The following CNTNAP2 variants were observed in gnomAD, a reference collection of about 807,000 sequenced individuals.
The protein encoded by CNTNAP2 is contactin-associated protein-like 2.
Under a neutral mutation model 155.2 loss-of-function variants are expected in CNTNAP2, and 98 were observed. That is an observed-to-expected ratio of 0.63 (90% confidence interval 0.54 to 0.75). The LOEUF is 0.75. Ranked by LOEUF, CNTNAP2 falls within the 30% of genes least tolerant of loss-of-function variation. The probability of loss-of-function intolerance (pLI) is 0.00; values close to 1 mark genes in which losing one functional copy is unlikely to be tolerated. For synonymous variants in CNTNAP2, 651 were observed against 631.2 expected, an observed-to-expected ratio of 1.03 and a Z score of -0.47; for missense variants, 1,727 against 1,688.1, an observed-to-expected ratio of 1.02 and a Z score of -0.40.
intron 1 of CNTNAP2, among the ~76,000 whole-genome samples, chr7:146,642,875 G>A (rs188938757): frequency 0.058 from 8,809 of 151,594 alleles, 390 homozygotes; most frequent in African/African-American, 0.1. Context: ...ATGGTATCTC[G>A]TTGTGGTTTT....
chr7:147,577,237 A>G (rs1004098135), intron 12 of CNTNAP2, among the ~76,000 whole-genome samples: 5 of 152,016 alleles, frequency 3.3e-5, no homozygotes, highest in Non-Finnish European at 7.4e-5. Flanking sequence ...TACTAACTAC[A>G]ATCCCAGGCC....
At chr7:147,170,371 A>G (rs965492331) in intron 8 of CNTNAP2, among the ~76,000 whole-genome samples, 8 of 152,022 alleles carry the variant, frequency 5.3e-5, no homozygotes, top group Non-Finnish European at 1.2e-4. Flanking sequence ...CACCAGTTCC[A>G]CTAATAGGCC....
At chr7:147,425,388 G>A (rs1436990965) in intron 10 of CNTNAP2, among the ~76,000 whole-genome samples, 1 of 151,946 alleles carries the variant, frequency 6.6e-6, no homozygotes, top group Non-Finnish European at 1.5e-5. Context: ...CTCTCATTGT[G>A]GTAAAGAAAG....
intron 1 of CNTNAP2, among the ~76,000 whole-genome samples, chr7:146,466,969 C>T (rs1796725564): frequency 1.3e-5 from 2 of 152,102 alleles, no homozygotes; most frequent in South Asian, 4.1e-4. Context: ...ATTTTTTATA[C>T]ATTCAAATTT....
intron 1 of CNTNAP2, among the ~76,000 whole-genome samples, chr7:146,436,640 CAG>C (rs1796247482): frequency 6.6e-6 from 1 of 152,070 alleles, no homozygotes; most frequent in African/African-American, 2.4e-5. Flanking sequence ...AACAAAAACA[CAG>C]AGATTATTTG....
At chr7:147,185,339 C>T (rs914297420) in intron 8 of CNTNAP2, among the ~76,000 whole-genome samples, 1 of 152,040 alleles carries the variant, frequency 6.6e-6, no homozygotes, top group Non-Finnish European at 1.5e-5. Flanking sequence ...GTTGAGCTTG[C>T]ACGTAATCTA....
At chr7:147,109,400 A>G (rs1800829908) in intron 5 of CNTNAP2, among the ~76,000 whole-genome samples, 1 of 152,180 alleles carries the variant, frequency 6.6e-6, no homozygotes. Flanking sequence ...TCAGAAATAG[A>G]GAAGACTTTA....
intron 13 of CNTNAP2, among the ~76,000 whole-genome samples, chr7:147,742,233 A>T (rs1050466144): frequency 6.6e-6 from 1 of 152,228 alleles, no homozygotes; most frequent in African/African-American, 2.4e-5. Context: ...GCAAAACCGT[A>T]TAAGGTTCAT....
intron 15 of CNTNAP2, among the ~76,000 whole-genome samples, chr7:147,979,292 ACT>A (rs1447949454): frequency 7.6e-6 from 1 of 131,584 alleles, no homozygotes; most frequent in Non-Finnish European, 1.7e-5. Context: ...GCTTAGTAAA[ACT>A]GTGCAGAAGA....
At chr7:147,160,142 C>A (rs557364535) in intron 8 of CNTNAP2, among the ~76,000 whole-genome samples, 1 of 151,976 alleles carries the variant, frequency 6.6e-6, no homozygotes, top group Non-Finnish European at 1.5e-5. Flanking sequence ...AATTGCAAAG[C>A]GAGATAGCTG....
At chr7:147,090,515 C>T (rs1800379762) in intron 4 of CNTNAP2, among the ~76,000 whole-genome samples, 1 of 152,068 alleles carries the variant, frequency 6.6e-6, no homozygotes, top group Non-Finnish European at 1.5e-5. Flanking sequence ...CAGGTAACTG[C>T]AGCCATGAAT....
chr7:146,604,913 G>A (rs1171649305), intron 1 of CNTNAP2, among the ~76,000 whole-genome samples: 18 of 125,540 alleles, frequency 1.4e-4, no homozygotes, highest in African/African-American at 5.3e-4. Flanking sequence ...ATCACACTCT[G>A]GGGACTGTTG....
At chr7:147,739,141 G>GA (rs1796911293) in intron 13 of CNTNAP2, among the ~76,000 whole-genome samples, 2 of 136,320 alleles carry the variant, frequency 1.5e-5, no homozygotes, top group Non-Finnish European at 3.2e-5. Flanking sequence ...TCTCTCTGAA[G>GA]TTTTTTTTTT....
chr7:148,213,826 A>T (rs1336800473), intron 18 of CNTNAP2, among the ~76,000 whole-genome samples: 1 of 152,160 alleles, frequency 6.6e-6, no homozygotes, highest in Non-Finnish European at 1.5e-5. Flanking sequence ...CAGACTCTGA[A>T]CTACTGAGGG....
chr7:146,291,310 C>T (rs1563023891), intron 1 of CNTNAP2, among the ~76,000 whole-genome samples: 1 of 152,002 alleles, frequency 6.6e-6, no homozygotes, highest in Non-Finnish European at 1.5e-5. Context: ...TGCTTTTTTG[C>T]GTAGCCCTTG....
At chr7:146,584,621 A>G (rs1798659449) in intron 1 of CNTNAP2, among the ~76,000 whole-genome samples, 1 of 152,158 alleles carries the variant, frequency 6.6e-6, no homozygotes, top group Non-Finnish European at 1.5e-5. Flanking sequence ...TCATCAGAAG[A>G]GAGTGCATTA....
chr7:148,029,547 T>C (rs113740668), intron 15 of CNTNAP2, among the ~76,000 whole-genome samples: 194 of 152,304 alleles, frequency 1.3e-3, no homozygotes, highest in African/African-American at 4.6e-3. Flanking sequence ...TATACAACAA[T>C]TTCTCTATAT....
At chr7:147,599,568 T>C (rs1365106470) in intron 12 of CNTNAP2, among the ~76,000 whole-genome samples, 1 of 151,890 alleles carries the variant, frequency 6.6e-6, no homozygotes, top group Admixed American at 6.6e-5. Flanking sequence ...GGAGCCAGAA[T>C]TCTGAAATAA....
intron 21 of CNTNAP2, among the ~76,000 whole-genome samples, chr7:148,288,752 A>G (rs1002826256): frequency 8.5e-5 from 13 of 152,094 alleles, no homozygotes; most frequent in African/African-American, 2.9e-4. Context: ...AATTTAAGGT[A>G]TCTGCAAAAC....
Sources: allele counts gnomAD v4.1 joint callset (sites outside exome capture counted in the v4.1 genomes callset), GRCh38; gene constraint gnomAD v4.1.1; transcripts MANE v1.5; gene names NCBI Gene and HGNC (gene_info 2026-07-23, HGNC 2026-07-21).